Variants in KIAA1755 observed in about 807,000 individuals in gnomAD.
The protein encoded by KIAA1755 is uncharacterized protein KIAA1755.
A neutral mutation model predicts 91.7 loss-of-function variants in KIAA1755; 68 were observed. The ratio of observed to expected loss-of-function variants is 0.74; its 90% confidence interval spans 0.61 to 0.91. The LOEUF (loss-of-function observed/expected upper bound fraction) is 0.91, where lower values mean the gene tolerates loss of function less well. Among genes scored for constraint, KIAA1755 ranks in the 40% least tolerant of loss-of-function variants. The pLI is 0.00. For synonymous variants in KIAA1755, 610 were observed against 604.6 expected, an observed-to-expected ratio of 1.01 and a Z score of -0.13; for missense variants, 1,535 against 1,494.4, an observed-to-expected ratio of 1.03 and a Z score of -0.45.
intron 13 of KIAA1755, among the ~76,000 whole-genome samples, chr20:38,215,960 C>T (rs1216102366): frequency 6.6e-6 from 1 of 152,226 alleles, no homozygotes; most frequent in African/African-American, 2.4e-5. Context: ...TCTCTGCCCA[C>T]TCAGTTAGCT....
At chr20:38,260,309 G>C (rs750312239) in intron 1 of KIAA1755, 189 bp downstream of exon 1, 2 of 1,551,866 alleles carry the variant, frequency 1.3e-6, no homozygotes, top group South Asian at 1.2e-5. Context: ...GAGAGGACGC[G>C]GCCAGAGATG....
intron 1 of KIAA1755, among the ~76,000 whole-genome samples, chr20:38,257,815 G>A (rs997228850): frequency 3.3e-5 from 5 of 151,898 alleles, no homozygotes; most frequent in African/African-American, 1.2e-4. Flanking sequence ...CAGTCCTCGG[G>A]CTTGAAATTG....
intron 4 of KIAA1755, among the ~76,000 whole-genome samples, chr20:38,238,510 G>A (rs567593135): frequency 7.6e-4 from 115 of 152,242 alleles, no homozygotes; most frequent in African/African-American, 2.0e-3. Flanking sequence ...CCATAGGACT[G>A]GGCTTTACGT....
chr20:38,221,954 A>C (rs2075666935), intron 10 of KIAA1755, among the ~76,000 whole-genome samples: 2 of 152,200 alleles, frequency 1.3e-5, no homozygotes, highest in Non-Finnish European at 1.5e-5. Context: ...CTACCGGGAA[A>C]GGCAGGGCCG....
chr20:38,228,318 AC>A (rs772614935), intron 5 of KIAA1755, 78 bp from the exon 6 acceptor site: 6 of 1,115,206 alleles, frequency 5.4e-6, no homozygotes, highest in Non-Finnish European at 7.4e-6. Context: ...AGGTGAGGGA[AC>A]CTGGCTGCTA....
chr20:38,234,807 C>A (rs1268632449), intron 4 of KIAA1755, among the ~76,000 whole-genome samples: 2 of 152,222 alleles, frequency 1.3e-5, no homozygotes, highest in African/African-American at 4.8e-5. Flanking sequence ...CAGCAAGGGG[C>A]AGTTGTCCAC....
chr20:38,220,124 A>C (rs1042137596), intron 10 of KIAA1755, among the ~76,000 whole-genome samples: 8 of 152,120 alleles, frequency 5.3e-5, no homozygotes, highest in Non-Finnish European at 1.2e-4. Flanking sequence ...TGAGGTGGAG[A>C]TAATCACAGA....
intron 13 of KIAA1755, among the ~76,000 whole-genome samples, 164 bp from the exon 14 acceptor site, chr20:38,213,907 C>A (rs1370765262): frequency 6.6e-6 from 1 of 152,090 alleles, no homozygotes; most frequent in Non-Finnish European, 1.5e-5. Flanking sequence ...GGTGCACACA[C>A]CTGCCATCTG....
At chr20:38,234,674 G>A (rs1242221719) in intron 4 of KIAA1755, among the ~76,000 whole-genome samples, 2 of 152,136 alleles carry the variant, frequency 1.3e-5, no homozygotes, top group African/African-American at 4.8e-5. Flanking sequence ...AGCAGCAAAG[G>A]GTTCACACAC....
chr20:38,246,510 C>T (rs556470726), intron 1 of KIAA1755, among the ~76,000 whole-genome samples: 1 of 152,178 alleles, frequency 6.6e-6, no homozygotes, highest in African/African-American at 2.4e-5. Context: ...TTGGCATTGC[C>T]CCAGTCTGAC....
rs747076842 is a variant in KIAA1755, at chr20:38,241,279, C to G, written c.852G>C (p.Glu284Asp). The change falls in exon 3 of 14, where the codon GAG (glutamate) becomes GAC (aspartate). Residue 284 changes from glutamate (E) to aspartate (D), a missense_variant. Transcript: ENST00000279024. ...DYVALLGFSQ[E>D]SRGESPSREA... ...CCCTACTGGGAGACTCTCCTCTGCT[C>G]TCTTGGGAAAAGCCTAGGAGAGCCA... The G allele has an allele frequency of 2.5e-6, 4 of 1,614,190 alleles. No homozygotes were observed. The highest frequency in any genetic ancestry group is 3.3e-5 in the Admixed American group (2 of 60,036).
chr20:38,231,658 A>G (rs2081623583), intron 4 of KIAA1755, among the ~76,000 whole-genome samples: 1 of 152,198 alleles, frequency 6.6e-6, no homozygotes. Context: ...GTCTGTGGGC[A>G]AGTCAGTGCA....
At chr20:38,258,931 T>C in intron 1 of KIAA1755, among the ~76,000 whole-genome samples, 1 of 152,112 alleles carries the variant, frequency 6.6e-6, no homozygotes, top group East Asian at 1.9e-4. Context: ...TTCTAATGAC[T>C]AGGTTAGGTG....
intron 1 of KIAA1755, 142 bp downstream of exon 1, chr20:38,260,356 G>A (rs770081738): frequency 6.3e-7 from 1 of 1,583,560 alleles, no homozygotes; most frequent in Admixed American, 1.8e-5. Context: ...GGTGGAAGCA[G>A]GTAAGCACAA....
intron 1 of KIAA1755, chr20:38,260,273 T>C (rs2076423648): frequency 6.5e-7 from 1 of 1,548,008 alleles, no homozygotes; most frequent in African/African-American, 1.4e-5. Context: ...TCTTACTCCA[T>C]CCATACACAC....
chr20:38,215,182 C>T (rs1282176058), intron 13 of KIAA1755, among the ~76,000 whole-genome samples: 1 of 152,184 alleles, frequency 6.6e-6, no homozygotes, highest in African/African-American at 2.4e-5. Context: ...CTTGCCCAAC[C>T]CCTTATTGAA....
intron 1 of KIAA1755, among the ~76,000 whole-genome samples, chr20:38,250,574 AGAAG>A (rs1424181543): frequency 2.0e-5 from 3 of 151,622 alleles, no homozygotes; most frequent in East Asian, 1.9e-4. Flanking sequence ...CAAGAAAGAA[AGAAG>A]GAAGAAGAAA....
chr20:38,229,462 C>A (rs1193607161), intron 5 of KIAA1755, among the ~76,000 whole-genome samples: 1 of 152,182 alleles, frequency 6.6e-6, no homozygotes, highest in East Asian at 1.9e-4. Flanking sequence ...TATGTCCTTG[C>A]CTCCCTCTGG....
chr20:38,258,808 A>G (rs2076384666), intron 1 of KIAA1755, among the ~76,000 whole-genome samples: 1 of 152,172 alleles, frequency 6.6e-6, no homozygotes, highest in Non-Finnish European at 1.5e-5. Flanking sequence ...AAAAACAGGC[A>G]AGGGAAGGAA....
Sources: gnomAD v4.1 joint callset for allele counts (sites outside exome capture counted in the v4.1 genomes callset) on GRCh38, gnomAD v4.1.1 for gene constraint, MANE v1.5 for transcripts, NCBI Gene and HGNC (gene_info 2026-07-23, HGNC 2026-07-21) for gene names.